EAF2: variants seen among roughly 807,000 people sequenced by gnomAD.
EAF2 encodes ELL-associated factor 2.
Under a neutral mutation model 29.4 loss-of-function variants are expected in EAF2, and 29 were observed. The observed-to-expected ratio is 0.99, with a 90% CI of 0.73 to 1.35. The LOEUF is 1.35. Ranked by LOEUF, EAF2 falls within the 40% of genes most tolerant of loss-of-function variation. The pLI, the probability that EAF2 is intolerant of heterozygous loss-of-function variation, is 0.00. For synonymous variants in EAF2, 103 were observed against 102.5 expected, an observed-to-expected ratio of 1.00 and a Z score of -0.03; for missense variants, 292 against 312.0, an observed-to-expected ratio of 0.94 and a Z score of 0.48.
intron 5 of EAF2, among the ~76,000 whole-genome samples, chr3:121,877,797 G>A (rs1709126650): frequency 6.6e-6 from 1 of 152,060 alleles, no homozygotes; most frequent in Non-Finnish European, 1.5e-5. Flanking sequence ...TAGAGATGGA[G>A]TCTCGCTTTG....
intron 4 of EAF2, among the ~76,000 whole-genome samples, chr3:121,858,166 A>G (rs1382969937): frequency 1.3e-5 from 2 of 152,178 alleles, no homozygotes; most frequent in Non-Finnish European, 2.9e-5. Context: ...ATGATTTATA[A>G]TCCTTCGGGT....
At chr3:121,880,269 A>G (rs1709170731) in intron 5 of EAF2, among the ~76,000 whole-genome samples, 1 of 151,548 alleles carries the variant, frequency 6.6e-6, no homozygotes, top group Admixed American at 6.6e-5. Flanking sequence ...CAGGCTCCCA[A>G]GTTGCTGGGA....
At chr3:121,851,317 A>G (rs1429362366) in intron 2 of EAF2, among the ~76,000 whole-genome samples, 1 of 151,060 alleles carries the variant, frequency 6.6e-6, no homozygotes, top group Non-Finnish European at 1.5e-5. Context: ...AGCTAGGACT[A>G]CAAATGTGCA....
chr3:121,880,462 G>A (rs1020829654), intron 5 of EAF2, among the ~76,000 whole-genome samples: 3 of 92,822 alleles, frequency 3.2e-5, no homozygotes, highest in African/African-American at 1.4e-4. Flanking sequence ...TGGGGTGTGT[G>A]TGTGTGTGTG....
chr3:121,854,688 G>A lies in EAF2; in HGVS notation c.203G>A (p.Gly68Asp). 6.5e-7 allele frequency: 1 copy of A among 1,538,194 alleles called. No homozygotes were observed. The highest frequency in any genetic ancestry group is 2.5e-5 in the East Asian group (1 of 40,766). The change falls in exon 3 of 6, where the codon GGT (glycine) becomes GAT (aspartate). Residue 68 changes from glycine (G) to aspartate (D), a missense_variant and splice_region_variant. By Grantham distance (94) the Gly-to-Asp change is moderately conservative. Transcript: ENST00000273668. ...AATAATAATTAACTTTTTAAACAGG[G>A]TTCAACTCCACCAGTAACTGTTTTC... is the stretch of plus-strand genomic sequence containing the variant. Reference protein sequence around the residue: ...QVTITLPNIEGSTPPVTVFKG... With the variant: ...QVTITLPNIEDSTPPVTVFKG...
At chr3:121,863,618 G>C (rs1400943994) in intron 4 of EAF2, among the ~76,000 whole-genome samples, 7 of 152,136 alleles carry the variant, frequency 4.6e-5, no homozygotes, top group Admixed American at 3.9e-4. Flanking sequence ...CCTTTGCTAG[G>C]AAAGGGAATT....
chr3:121,875,448 G>A (rs1709079675), intron 5 of EAF2, among the ~76,000 whole-genome samples: 6 of 151,896 alleles, frequency 4.0e-5, no homozygotes, highest in Admixed American at 3.9e-4. Context: ...TTCTGGTAAT[G>A]GAGCTCAGAG....
intron 1 of EAF2, among the ~76,000 whole-genome samples, chr3:121,841,465 A>C (rs1207835345): frequency 7.1e-6 from 1 of 140,696 alleles, no homozygotes; most frequent in African/African-American, 2.6e-5. Flanking sequence ...AAATCGCGCC[A>C]CTGTACTCCA....
At position 121,846,346 on chromosome 3, in the gene EAF2, T is replaced by C. The variant is rs1708528927; in HGVS notation, c.201+1799T>C. On this transcript the variant is annotated intron_variant, in intron 2 of 5. Coordinates refer to ENST00000273668, the MANE Select transcript of EAF2 (RefSeq NM_018456.6). ...TTGTTCTCTCTGGAACTGAAGGAAA[T>C]GAAAAATCTATTTAGTATGAGATGT... is the stretch of plus-strand genomic sequence containing the variant. Among the ~76,000 whole-genome samples, 4 of 152,214 alleles carry C rather than the reference T, an allele frequency of 2.6e-5. 1 individual carries two copies. The highest frequency in any genetic ancestry group is 2.0e-4 in the Admixed American group (3 of 15,284).
chr3:121,846,428 A>G (rs905778166), intron 2 of EAF2, among the ~76,000 whole-genome samples: 3 of 152,218 alleles, frequency 2.0e-5, no homozygotes, highest in African/African-American at 7.2e-5. Context: ...AGGTTCTAGT[A>G]TCTCTAAAAC....
intron 2 of EAF2, among the ~76,000 whole-genome samples, chr3:121,846,340 A>G (rs1405635810): frequency 6.6e-6 from 1 of 152,214 alleles, no homozygotes; most frequent in Non-Finnish European, 1.5e-5. Context: ...CTGGAACTGA[A>G]GGAAATGAAA....
chr3:121,875,970 A>G (rs909186513), intron 5 of EAF2, among the ~76,000 whole-genome samples: 7 of 152,098 alleles, frequency 4.6e-5, no homozygotes, highest in African/African-American at 1.7e-4. Flanking sequence ...AAGACTAAAC[A>G]TTACACAATA....
intron 5 of EAF2, among the ~76,000 whole-genome samples, chr3:121,881,762 C>T (rs959022745): frequency 2.6e-5 from 4 of 152,100 alleles, no homozygotes; most frequent in Non-Finnish European, 5.9e-5. Context: ...CCACCCACCT[C>T]AGTCTCCCAA....
chr3:121,861,852 G>T (rs370329455), intron 4 of EAF2, among the ~76,000 whole-genome samples: 1 of 152,156 alleles, frequency 6.6e-6, no homozygotes, highest in Non-Finnish European at 1.5e-5. Context: ...AGGAGCTCTT[G>T]TAAGGCAGGC....
rs140354772 is a variant in EAF2, at chr3:121,860,290, C to T, written c.484+3134C>T. 9.1e-3 allele frequency among the ~76,000 whole-genome samples: 1,378 copies of T among 152,238 alleles called. 11 individuals are homozygous for T. The highest frequency in any genetic ancestry group is 0.016 in the Non-Finnish European group (1,063 of 68,020). On this transcript the variant is annotated intron_variant, in intron 4 of 5. Transcript: ENST00000273668. ...CTCTGGTAGAATTCAGCTGTGAATC[C>T]GTCTGGTCCTGGCCTTTTTTTGATT...
intron 3 of EAF2, among the ~76,000 whole-genome samples, chr3:121,855,799 G>C (rs1174852086): frequency 6.6e-6 from 1 of 152,212 alleles, no homozygotes; most frequent in Non-Finnish European, 1.5e-5. Context: ...TTGTAATTTT[G>C]TTGGTTGAGG....
chr3:121,881,326 G>C (rs1394597286), intron 5 of EAF2, among the ~76,000 whole-genome samples: 1 of 152,068 alleles, frequency 6.6e-6, no homozygotes, highest in African/African-American at 2.4e-5. Context: ...CAGTATTGAA[G>C]CCATCAGGTC....
At chr3:121,857,941 T>C (rs1198499161) in intron 4 of EAF2, among the ~76,000 whole-genome samples, 1 of 152,180 alleles carries the variant, frequency 6.6e-6, no homozygotes, top group African/African-American at 2.4e-5. Flanking sequence ...GTCCTTGCAG[T>C]AGTTTGCTCA....
At chr3:121,858,648 T>C (rs890200956) in intron 4 of EAF2, among the ~76,000 whole-genome samples, 2 of 152,252 alleles carry the variant, frequency 1.3e-5, no homozygotes, top group Non-Finnish European at 2.9e-5. Context: ...TAGTTTCTTT[T>C]GCTGTGCAGA....
Sources: gnomAD v4.1 joint callset for allele counts (sites outside exome capture counted in the v4.1 genomes callset) on GRCh38, gnomAD v4.1.1 for gene constraint, MANE v1.5 for transcripts, NCBI Gene and HGNC (gene_info 2026-07-23, HGNC 2026-07-21) for gene names.